Variants in HSPA2 observed in about 807,000 individuals in gnomAD.
HSPA2 encodes the protein heat shock-related 70 kDa protein 2.
HSPA2 carries 13 observed loss-of-function variants against 35.0 expected under a neutral mutation model. The ratio of observed to expected loss-of-function variants is 0.37; its 90% confidence interval spans 0.24 to 0.59. The LOEUF is 0.59. Ranked by LOEUF, HSPA2 falls within the 20% of genes least tolerant of loss-of-function variation. HSPA2 has a pLI of 0.70. For synonymous variants in HSPA2, 368 were observed against 382.1 expected, an observed-to-expected ratio of 0.96 and a Z score of 0.43; for missense variants, 565 against 885.4, an observed-to-expected ratio of 0.64 and a Z score of 4.59.
Position 64,541,515 on chromosome 14 carries a change from G to T in HSPA2, c.666G>T (p.Val222=). The T allele has an allele frequency of 1.2e-6, 2 of 1,609,198 alleles. No individual in the cohort carries two copies. The highest frequency in any genetic ancestry group is 1.7e-6 in the Non-Finnish European group (2 of 1,176,212). ...CCATCGAGGATGGCATCTTCGAGGTGAAGTCCACGGCCGGCGACACCCACC... is the reference window on the plus strand; with the variant it reads ...CCATCGAGGATGGCATCTTCGAGGTTAAGTCCACGGCCGGCGACACCCACC... ...ILTIEDGIFE[V]KSTAGDTHLG... The change falls in exon 1 of 1, where the codon GTG becomes GTT. Residue 222 remains valine, a synonymous_variant. Coordinates refer to ENST00000247207, the MANE Select transcript of HSPA2 (RefSeq NM_021979.4).
upstream of HSPA2, among the ~76,000 whole-genome samples, chr14:64,539,393 T>TG (rs1251780602): frequency 1.3e-5 from 2 of 152,194 alleles, no homozygotes; most frequent in Non-Finnish European, 2.9e-5. Context: ...GTGTGGGTTT[T>TG]GACTGATTAT....
At chr14:64,537,325 C>T (rs1255621502), upstream of HSPA2, among the ~76,000 whole-genome samples, 1 of 152,058 alleles carries the variant, frequency 6.6e-6, no homozygotes, top group Non-Finnish European at 1.5e-5. Context: ...AGAAGAAAAA[C>T]TCAGGCCTGT....
upstream of HSPA2, among the ~76,000 whole-genome samples, chr14:64,538,635 T>C (rs960520978): frequency 2.0e-5 from 3 of 152,212 alleles, no homozygotes; most frequent in African/African-American, 7.2e-5. Flanking sequence ...CCCCTCTGTG[T>C]TCCCATGGCG....
chr14:64,539,139 G>C (rs565080867), upstream of HSPA2, among the ~76,000 whole-genome samples: 2 of 152,264 alleles, frequency 1.3e-5, no homozygotes, highest in Non-Finnish European at 2.9e-5. Context: ...TGCTTCTAAA[G>C]ATTATTACCT....
At chr14:64,540,601 T>G, upstream of HSPA2, 1 of 565,100 alleles carries the variant, frequency 1.8e-6, no homozygotes, top group Non-Finnish European at 3.1e-6. Context: ...TTGAAATCTG[T>G]TGGGTCACGG....
At chr14:64,537,294 AAGAG>A (rs891506911), upstream of HSPA2, among the ~76,000 whole-genome samples, 1 of 152,112 alleles carries the variant, frequency 6.6e-6, no homozygotes, top group Non-Finnish European at 1.5e-5. Context: ...GAAAGAAAGA[AAGAG>A]AAAGAAAAGA....
At chr14:64,540,448 G>A (rs2080017450), upstream of HSPA2, 1 of 253,640 alleles carries the variant, frequency 3.9e-6, no homozygotes, top group African/African-American at 2.3e-5. Flanking sequence ...CTGGCTCTGG[G>A]AGCGCGCGCC....
Position 64,542,868 on chromosome 14 carries a change from T to C in HSPA2, c.*99T>C, listed in dbSNP as rs2080044470. 1 of 1,456,538 alleles carries C rather than the reference T, an allele frequency of 6.9e-7. No homozygotes were observed. 90.2% of individuals were successfully genotyped at this position (1,456,538 alleles called of 1,614,324 possible). ...GTCCTTGTGCCAAGTACGAGATCTA[T>C]TGTTGGAAGTCTTTGGTATATGCAA... On this transcript the variant is annotated 3_prime_UTR_variant, in exon 1 of 1. Coordinates refer to ENST00000247207, the MANE Select transcript of HSPA2 (RefSeq NM_021979.4). The surrounding 1 kb of genome is among the most constrained non-coding windows in gnomAD (Gnocchi z 5.7).
In HSPA2 at chr14:64,541,400, A is replaced by T. The variant is rs1402929655; in HGVS notation, c.551A>T (p.Tyr184Phe). ...INEPTAAAIA[Y>F]GLDKKGCAGG... ...GAGCCCACGGCGGCGGCCATCGCCT[A>T]CGGCCTGGACAAGAAGGGCTGCGCG... Residue 184 changes from tyrosine (Y) to phenylalanine (F), a missense_variant, in exon 1 of 1, where the codon TAC becomes TTC. Transcript: ENST00000247207. 1 of 1,613,556 alleles carries T rather than the reference A, an allele frequency of 6.2e-7. No individual in the cohort carries two copies. The highest frequency in any genetic ancestry group is 1.7e-5 in the Admixed American group (1 of 60,014).
chr14:64,537,173 A>C (rs7151976), upstream of HSPA2, among the ~76,000 whole-genome samples: 96,406 of 151,930 alleles, frequency 0.63, 31,944 homozygotes, highest in East Asian at 0.86. Flanking sequence ...CTGTATCTCT[A>C]AGTCATATAT....
chr14:64,538,595 G>T (rs2079997607), upstream of HSPA2, among the ~76,000 whole-genome samples: 1 of 152,226 alleles, frequency 6.6e-6, no homozygotes, highest in East Asian at 1.9e-4. Flanking sequence ...GTAGCTCTCA[G>T]CAACGCACTT....
At chr14:64,539,267 C>T (rs1209434893), upstream of HSPA2, among the ~76,000 whole-genome samples, 1 of 152,140 alleles carries the variant, frequency 6.6e-6, no homozygotes, top group African/African-American at 2.4e-5. Flanking sequence ...AACCTCAGCA[C>T]AGCCAAAGAA....
At position 64,541,947 on chromosome 14, in the gene HSPA2, C is replaced by T. The variant is rs1198668278; in HGVS notation, c.1098C>T (p.Ile366=). The stretch of plus-strand genomic sequence containing the variant: ...ACGGCAAGGAGCTGAACAAGAGCAT[C>T]AACCCCGACGAGGCGGTGGCCTATG... ...FFNGKELNKS[I]NPDEAVAYGA... Residue 366 remains isoleucine (I), a synonymous_variant, in exon 1 of 1, where the codon ATC becomes ATT. Transcript: ENST00000247207. 1 of 1,613,594 alleles carries T rather than the reference C, an allele frequency of 6.2e-7. No individual in the cohort carries two copies. Among genetic ancestry groups the T allele is most frequent in the African/African-American group, 1.3e-5 (1 of 75,032 alleles).
At position 64,542,658 on chromosome 14, in the gene HSPA2, A is replaced by C. The variant is rs757623927; in HGVS notation, c.1809A>C (p.Glu603Asp). The change falls in exon 1 of 1, where the codon GAA (glutamate) becomes GAC (aspartate). Residue 603 changes from glutamate to aspartate, a missense_variant. By Grantham distance (45) the Glu-to-Asp change is conservative (BLOSUM62 2). Around this residue, in one of 4 missense-constraint regions of HSPA2, gnomAD observed 147 missense variants for 166.7 expected, o/e 0.88. Coordinates refer to ENST00000247207, the MANE Select transcript of HSPA2 (RefSeq NM_021979.4). The surrounding 1 kb of genome is among the most constrained non-coding windows in gnomAD (Gnocchi z 5.7). Reference sequence around the variant, plus strand: ...ATGAACACAAGCAGAAAGAGCTCGAAAGAGTTTGCAACCCCATCATCAGCA... The same window carrying C: ...ATGAACACAAGCAGAAAGAGCTCGACAGAGTTTGCAACCCCATCATCAGCA... ...DEYEHKQKEL[E>D]RVCNPIISKL... The C allele has an allele frequency of 1.2e-6, 2 of 1,613,914 alleles. No individual in the cohort carries two copies. The highest frequency in any genetic ancestry group is 2.7e-5 in the African/African-American group (2 of 74,890).
At position 64,542,551 on chromosome 14, in the gene HSPA2, C is replaced by G; in HGVS notation, c.1702C>G (p.Gln568Glu). The change falls in exon 1 of 1, where the codon CAG becomes GAG. Residue 568 changes from glutamine to glutamate, a missense_variant. Coordinates refer to ENST00000247207, the MANE Select transcript of HSPA2 (RefSeq NM_021979.4). This position sits in a 1 kb window ranked among gnomAD's most constrained non-coding sequence, Gnocchi z 5.7. The stretch of plus-strand genomic sequence containing the variant: ...GAAACTGAGGGGCAAGATTAGCGAG[C>G]AGGACAAAAACAAGATCCTCGACAA... Reference protein sequence around the residue: ...DEKLRGKISEQDKNKILDKCQ... With the variant: ...DEKLRGKISEEDKNKILDKCQ... The G allele has an allele frequency of 6.2e-7, 1 of 1,613,602 alleles. No homozygotes were observed. Among genetic ancestry groups the G allele is most frequent in the Non-Finnish European group, 8.5e-7 (1 of 1,179,994 alleles).
chr14:64,537,880 C>G (rs887959190), upstream of HSPA2, among the ~76,000 whole-genome samples: 1 of 151,926 alleles, frequency 6.6e-6, no homozygotes, highest in Non-Finnish European at 1.5e-5. Flanking sequence ...GCGCCCACCA[C>G]CAGGCCCGGC....
At position 64,542,154 on chromosome 14, in the gene HSPA2, G is replaced by A. The variant is rs1333212357; in HGVS notation, c.1305G>A (p.Ser435=). ...AGACGCAGACCTTCACCACCTACTC[G>A]GACAACCAGAGCAGCGTACTGGTGC... The part of the protein sequence containing the change: ...TKQTQTFTTY[S]DNQSSVLVQV... Residue 435 remains serine, a synonymous_variant, in exon 1 of 1, where the codon TCG becomes TCA. Coordinates refer to ENST00000247207, the MANE Select transcript of HSPA2 (RefSeq NM_021979.4). The surrounding 1 kb of genome is among the most constrained non-coding windows in gnomAD (Gnocchi z 5.7). The A allele has an allele frequency of 6.2e-7, 1 of 1,613,646 alleles. No individual in the cohort carries two copies. Among genetic ancestry groups the A allele is most frequent in the Non-Finnish European group, 8.5e-7 (1 of 1,179,980 alleles).
upstream of HSPA2, among the ~76,000 whole-genome samples, chr14:64,540,144 C>A (rs1421502483): frequency 2.0e-5 from 3 of 151,168 alleles, no homozygotes; most frequent in Non-Finnish European, 2.9e-5. Flanking sequence ...ATTCCCTATT[C>A]CCTCCCCTTG....
chr14:64,538,184 T>G (rs1009688535), upstream of HSPA2, among the ~76,000 whole-genome samples: 1 of 152,206 alleles, frequency 6.6e-6, no homozygotes, highest in Admixed American at 6.5e-5. Context: ...CACCACTAGA[T>G]AAAATAATCT....
Sources: gnomAD v4.1 joint callset for allele counts (sites outside exome capture counted in the v4.1 genomes callset) on GRCh38, gnomAD v4.1.1 for gene constraint, gnomAD v4.1.1 regional missense constraint, Gnocchi (gnomAD v3.1) non-coding constraint, MANE v1.5 for transcripts, NCBI Gene and HGNC (gene_info 2026-07-23, HGNC 2026-07-21) for gene names.